PTK7: variants seen among roughly 807,000 people sequenced by gnomAD.
The protein encoded by PTK7 is inactive tyrosine-protein kinase 7.
Under a neutral mutation model 116.6 loss-of-function variants are expected in PTK7, and 39 were observed. That is an observed-to-expected ratio of 0.33 (90% CI 0.26 to 0.44). The LOEUF (loss-of-function observed/expected upper bound fraction) is 0.44. Among genes scored for constraint, PTK7 ranks in the 20% least tolerant of loss-of-function variants. The pLI is 1.00. For synonymous variants in PTK7, 546 were observed against 563.6 expected, an observed-to-expected ratio of 0.97 and a Z score of 0.44; for missense variants, 1,169 against 1,425.6, an observed-to-expected ratio of 0.82 and a Z score of 2.90.
At chr6:43,082,099 T>C (rs537934379) in intron 1 of PTK7, among the ~76,000 whole-genome samples, 1 of 152,270 alleles carries the variant, frequency 6.6e-6, no homozygotes, top group African/African-American at 2.4e-5. Context: ...TCTATAACTG[T>C]GCTACTTGAA....
Position 43,145,072 on chromosome 6 carries a change from A to T in PTK7, c.2408-128A>T. 1.4e-6 allele frequency: 1 copy of T among 724,352 alleles called. No individual in the cohort carries two copies. Among genetic ancestry groups the T allele is most frequent in the Non-Finnish European group, 2.2e-6 (1 of 446,632 alleles). 44.9% of individuals were successfully genotyped at this position (724,352 alleles called of 1,614,324 possible). ...GCCTAAGGAGGGAGGGGGTCACAGC[A>T]GAACCGGGTCTCGTGCCCAGCCCAG... On this transcript the variant is annotated intron_variant, in intron 15 of 19. Coordinates refer to ENST00000230419, the MANE Select transcript of PTK7 (RefSeq NM_002821.5). This position sits in a 1 kb window ranked among gnomAD's most constrained non-coding sequence, Gnocchi z 4.8.
intron 1 of PTK7, among the ~76,000 whole-genome samples, chr6:43,109,878 T>C (rs1317081743): frequency 1.3e-5 from 2 of 152,006 alleles, no homozygotes; most frequent in Non-Finnish European, 2.9e-5. Flanking sequence ...TTTTGTATTA[T>C]TAGTAGAGAC....
At chr6:43,107,977 TA>T (rs1322160299) in intron 1 of PTK7, among the ~76,000 whole-genome samples, 6 of 152,090 alleles carry the variant, frequency 3.9e-5, no homozygotes, top group African/African-American at 1.4e-4. Flanking sequence ...AACAGTTATT[TA>T]CGGGAGTAAT....
Position 43,120,283 on chromosome 6 carries a change from A to G in PTK7, c.80-8694A>G, listed in dbSNP as rs116869257. 1.1e-3 allele frequency among the ~76,000 whole-genome samples: 172 copies of G among 152,266 alleles called. No homozygotes were observed. The East Asian group carries it at 0.015, about 13-fold the overall frequency. On this transcript the variant is annotated intron_variant, in intron 1 of 19. Coordinates refer to ENST00000230419, the MANE Select transcript of PTK7 (RefSeq NM_002821.5). ...TGTCCCAGGCACCAGGGGGGCACAG[A>G]TGTCTCACACTGGGCACAAATGTCT...
intron 1 of PTK7, among the ~76,000 whole-genome samples, chr6:43,107,266 C>T (rs1767950199): frequency 6.6e-6 from 1 of 152,158 alleles, no homozygotes; most frequent in Non-Finnish European, 1.5e-5. Context: ...AGATGCTTCT[C>T]TTGTGTGCCC....
In PTK7 at chr6:43,132,543, C is replaced by T. The variant is rs548376759; in HGVS notation, c.1084C>T (p.Arg362Trp). 6.8e-6 allele frequency: 11 copies of T among 1,613,428 alleles called. No individual in the cohort carries two copies. The highest frequency in any genetic ancestry group is 3.3e-5 in the South Asian group (3 of 91,062). Residue 362 changes from arginine (R) to tryptophan (W), a missense_variant, in exon 7 of 20, where the codon CGG becomes TGG. By Grantham distance (101) the Arg-to-Trp change is moderately radical. This residue lies in a region of PTK7 where 487 missense variants were observed against 549.8 expected (regional missense o/e 0.89). Transcript: ENST00000230419. ...CGTGTGGTGGGAGCACGCGGGAGTC[C>T]GGCTGCCCACCCATGGCAGGGTCTA... ...PSVWWEHAGVRLPTHGRVYQK... is the reference protein window; with the variant it reads ...PSVWWEHAGVWLPTHGRVYQK...
chr6:43,119,758 C>T (rs1230142046), intron 1 of PTK7, among the ~76,000 whole-genome samples: 1 of 152,194 alleles, frequency 6.6e-6, no homozygotes, highest in East Asian at 1.9e-4. Flanking sequence ...CTGCAGGCTC[C>T]TCACTGGCGT....
At chr6:43,108,654 G>A (rs1189298023) in intron 1 of PTK7, among the ~76,000 whole-genome samples, 1 of 152,138 alleles carries the variant, frequency 6.6e-6, no homozygotes, top group Non-Finnish European at 1.5e-5. Flanking sequence ...CACCCGCCTC[G>A]GCCTCCCAAA....
intron 17 of PTK7, among the ~76,000 whole-genome samples, chr6:43,157,567 A>G (rs1188732150): frequency 6.6e-6 from 1 of 150,868 alleles, no homozygotes. Context: ...AAGTAAAATG[A>G]AAAAGAAACA....
At chr6:43,100,522 G>A (rs1320594730) in intron 1 of PTK7, among the ~76,000 whole-genome samples, 6 of 147,838 alleles carry the variant, frequency 4.1e-5, no homozygotes, top group Non-Finnish European at 8.9e-5. Context: ...TGTTAAATCT[G>A]TTTTGATTTT....
rs2150419829 is a variant in PTK7 at position 43,124,103 on chromosome 6, A to G, written c.80-4874A>G. On this transcript the variant is annotated intron_variant, in intron 1 of 19. Coordinates refer to ENST00000230419, the MANE Select transcript of PTK7 (RefSeq NM_002821.5). ...GGGTTGCATGGCATGGCCCGGTGGC[A>G]AAAGAGGAGGCAGCCTCGGGAAGCC... Among the ~76,000 whole-genome samples the G allele has an allele frequency of 2.6e-5, 4 of 152,216 alleles. No homozygotes were observed. In the South Asian group the frequency reaches 8.3e-4, roughly 32 times the overall value.
Position 43,146,706 on chromosome 6 carries a change from C to T in PTK7, c.2721+8C>T, listed in dbSNP as rs73736714. Reference sequence around the variant, plus strand: ...CTCAGCACCAAGCAGAAGGTGAGGACAGGGAGTGAAGGAGGGAGGGAGAGG... The same window carrying T: ...CTCAGCACCAAGCAGAAGGTGAGGATAGGGAGTGAAGGAGGGAGGGAGAGG... On this transcript the variant is annotated splice_region_variant and intron_variant, in intron 17 of 19. Transcript: ENST00000230419. 4.1e-3 allele frequency: 6,633 copies of T among 1,610,994 alleles called. 228 individuals carry two copies. The African/African-American group carries it at 0.074, about 18-fold the overall frequency.
intron 1 of PTK7, among the ~76,000 whole-genome samples, chr6:43,094,249 C>A (rs1190108530): frequency 6.6e-6 from 1 of 152,094 alleles, no homozygotes; most frequent in Non-Finnish European, 1.5e-5. Context: ...AGTTGGAGGA[C>A]GTCGGTGTGA....
chr6:43,095,304 G>A (rs1393836194), intron 1 of PTK7, among the ~76,000 whole-genome samples: 2 of 152,074 alleles, frequency 1.3e-5, no homozygotes, highest in South Asian at 2.1e-4. Context: ...CCTGGGAGGC[G>A]GAGGTTGCAG....
chr6:43,140,966 T>C (rs1770365248), intron 10 of PTK7, among the ~76,000 whole-genome samples: 1 of 152,184 alleles, frequency 6.6e-6, no homozygotes, highest in African/African-American at 2.4e-5. Context: ...ATTTCAACAA[T>C]TGGATTCACT....
At position 43,141,183 on chromosome 6, in the gene PTK7, G is replaced by A. The variant is rs1239450452; in HGVS notation, c.1619-485G>A. 6.6e-6 allele frequency among the ~76,000 whole-genome samples: 1 copy of A among 152,116 alleles called. No homozygotes were observed. On this transcript the variant is annotated intron_variant, in intron 10 of 19. Coordinates refer to ENST00000230419, the MANE Select transcript of PTK7 (RefSeq NM_002821.5). The surrounding 1 kb of genome is among the most constrained non-coding windows in gnomAD (Gnocchi z 4.9). ...TGAACATTTTTATAGCCCTTGATGT[G>A]AGTTGCCAAATTATTTTTTAAAAGG...
chr6:43,097,893 A>G (rs1767347716), intron 1 of PTK7, among the ~76,000 whole-genome samples: 1 of 152,172 alleles, frequency 6.6e-6, no homozygotes, highest in African/African-American at 2.4e-5. Context: ...ACTCGATGGT[A>G]AGGTTGATCC....
At chr6:43,107,140 C>T (rs1389533143) in intron 1 of PTK7, among the ~76,000 whole-genome samples, 1 of 150,122 alleles carries the variant, frequency 6.7e-6, no homozygotes, top group Non-Finnish European at 1.5e-5. Context: ...CCAGACTGGT[C>T]TCGAACTCCT....
intron 1 of PTK7, among the ~76,000 whole-genome samples, chr6:43,081,989 T>C (rs560523082): frequency 2.9e-4 from 44 of 152,232 alleles, no homozygotes; most frequent in Admixed American, 9.2e-4. Context: ...TTTCTCCAAG[T>C]TCTGTGCGTG....
Sources: gnomAD v4.1 joint callset for allele counts (sites outside exome capture counted in the v4.1 genomes callset) on GRCh38, gnomAD v4.1.1 for gene constraint, gnomAD v4.1.1 regional missense constraint, Gnocchi (gnomAD v3.1) non-coding constraint, MANE v1.5 for transcripts, NCBI Gene and HGNC (gene_info 2026-07-23, HGNC 2026-07-21) for gene names.